The following UNC5C variants were observed in gnomAD, a reference collection of about 807,000 sequenced individuals.
UNC5C encodes netrin receptor UNC5C.
Under a neutral mutation model 99.8 loss-of-function variants are expected in UNC5C, and 47 were observed. The observed-to-expected ratio is 0.47, with a 90% CI of 0.37 to 0.60. UNC5C has a LOEUF of 0.60. Ranked by LOEUF, UNC5C falls within the 20% of genes least tolerant of loss-of-function variation. UNC5C has a pLI of 0.00. For synonymous variants in UNC5C, 487 were observed against 452.2 expected, an observed-to-expected ratio of 1.08 and a Z score of -0.98; for missense variants, 1,062 against 1,165.9, an observed-to-expected ratio of 0.91 and a Z score of 1.30.
intron 4 of UNC5C, among the ~76,000 whole-genome samples, chr4:95,263,203 T>C (rs944597626): frequency 2.6e-5 from 4 of 152,242 alleles, no homozygotes; most frequent in African/African-American, 7.2e-5. Flanking sequence ...CTGCATTCCA[T>C]TGGATAACTT....
intron 9 of UNC5C, among the ~76,000 whole-genome samples, chr4:95,216,872 G>A (rs1333733841): frequency 6.6e-6 from 1 of 151,148 alleles, no homozygotes; most frequent in African/African-American, 2.4e-5. Flanking sequence ...CACCTGGAAA[G>A]CTTGTTAAAC....
At chr4:95,317,295 A>G (rs1579319708) in intron 2 of UNC5C, among the ~76,000 whole-genome samples, 1 of 152,194 alleles carries the variant, frequency 6.6e-6, no homozygotes, top group South Asian at 2.1e-4. Flanking sequence ...GCTGTTTAGC[A>G]CTTGCTAGGA....
At chr4:95,448,238 G>GAGAGAGAGAGAGAGAGAC (rs1553973951) in intron 1 of UNC5C, among the ~76,000 whole-genome samples, 20 of 137,032 alleles carry the variant, frequency 1.5e-4, no homozygotes, top group African/African-American at 2.6e-4. Context: ...GAGAGAGAGA[G>GAGAGAGAGAGAGAGAGAC]AGAGAGAGAG....
At chr4:95,314,762 G>A (rs927252656) in intron 2 of UNC5C, among the ~76,000 whole-genome samples, 6 of 152,226 alleles carry the variant, frequency 3.9e-5, no homozygotes, top group African/African-American at 1.4e-4. Flanking sequence ...TGTGGTTTCA[G>A]TTTTATCTCT....
chr4:95,195,502 T>C (rs1460131755), intron 12 of UNC5C, among the ~76,000 whole-genome samples: 1 of 152,152 alleles, frequency 6.6e-6, no homozygotes, highest in Non-Finnish European at 1.5e-5. Context: ...AGAGTAGGTA[T>C]GGATACTAGG....
intron 1 of UNC5C, among the ~76,000 whole-genome samples, chr4:95,390,615 A>G (rs1396289940): frequency 1.3e-5 from 2 of 152,112 alleles, no homozygotes; most frequent in African/African-American, 4.8e-5. Context: ...GGTCTCTACA[A>G]ACTTTTAGTT....
intron 4 of UNC5C, among the ~76,000 whole-genome samples, chr4:95,270,062 A>G (rs903813616): frequency 6.6e-6 from 1 of 152,134 alleles, no homozygotes; most frequent in Admixed American, 6.5e-5. Context: ...ACTCTTCTGT[A>G]GACTTTCACA....
intron 1 of UNC5C, among the ~76,000 whole-genome samples, chr4:95,354,479 A>ATATATATATATATATATATATATATATAT: frequency 8.2e-5 from 9 of 110,344 alleles, no homozygotes; most frequent in African/African-American, 3.6e-4. Context: ...ATATATATAT[A>ATATATATATATATATATATATATATATAT]TTTTTTTTTT....
In UNC5C at chr4:95,167,427, GAGCT is replaced by G. The variant is rs1735901166; in HGVS notation, c.*1803_*1806del. On this transcript the variant is annotated 3_prime_UTR_variant, in exon 16 of 16. Coordinates refer to ENST00000453304, the MANE Select transcript of UNC5C (RefSeq NM_003728.4). ...ATTTTGCAGGACAAAAGTTTTTAAA[GAGCT>G]AACTAGACAGCTTTTATAAATGCTA... 6.6e-6 allele frequency: 1 copy of G among 152,160 alleles called. No homozygotes were observed. Among genetic ancestry groups the G allele is most frequent in the Non-Finnish European group, 1.5e-5 (1 of 68,026 alleles). The allele number at this position is 152,160 out of a possible 1,614,324, so 9.4% of individuals were successfully genotyped here.
chr4:95,343,622 G>C (rs180729490), intron 1 of UNC5C, among the ~76,000 whole-genome samples: 2 of 152,126 alleles, frequency 1.3e-5, no homozygotes, highest in South Asian at 2.1e-4. Context: ...GCTGGAGAGA[G>C]AGAGATATAT....
chr4:95,313,576 C>G (rs1742358690), intron 2 of UNC5C, among the ~76,000 whole-genome samples: 1 of 152,110 alleles, frequency 6.6e-6, no homozygotes, highest in Non-Finnish European at 1.5e-5. Flanking sequence ...AATTACTCAT[C>G]CTCATGGGCT....
intron 10 of UNC5C, among the ~76,000 whole-genome samples, chr4:95,215,237 C>A (rs1337870867): frequency 6.6e-6 from 1 of 152,188 alleles, no homozygotes; most frequent in Non-Finnish European, 1.5e-5. Flanking sequence ...GTCACTCATG[C>A]TTTATATTCA....
intron 1 of UNC5C, among the ~76,000 whole-genome samples, chr4:95,466,006 T>C (rs1182232157): frequency 1.3e-5 from 2 of 152,208 alleles, no homozygotes; most frequent in East Asian, 3.9e-4. Context: ...CTGGTCATTC[T>C]GATGAGCCTG....
At chr4:95,398,022 A>G (rs1745569216) in intron 1 of UNC5C, among the ~76,000 whole-genome samples, 1 of 145,556 alleles carries the variant, frequency 6.9e-6, no homozygotes, top group African/African-American at 2.6e-5. Context: ...ACAATTTCCC[A>G]ATGAGAAGTA....
chr4:95,364,839 C>T (rs946865738), intron 1 of UNC5C, among the ~76,000 whole-genome samples: 1 of 152,020 alleles, frequency 6.6e-6, no homozygotes, highest in African/African-American at 2.4e-5. Flanking sequence ...TATTTTTCTG[C>T]CCTACTAACT....
chr4:95,347,398 G>GA (rs901407343), intron 1 of UNC5C, among the ~76,000 whole-genome samples: 7 of 151,548 alleles, frequency 4.6e-5, no homozygotes, highest in African/African-American at 7.2e-5. Flanking sequence ...CACAGAAATA[G>GA]AAAAAAAATG....
intron 3 of UNC5C, among the ~76,000 whole-genome samples, chr4:95,288,251 T>G (rs1489731961): frequency 1.3e-5 from 2 of 151,696 alleles, no homozygotes; most frequent in African/African-American, 4.8e-5. Flanking sequence ...CCTGGCTAAT[T>G]TTTTTGTATT....
At chr4:95,282,241 G>A (rs1383274997) in intron 3 of UNC5C, among the ~76,000 whole-genome samples, 2 of 152,170 alleles carry the variant, frequency 1.3e-5, no homozygotes, top group Non-Finnish European at 2.9e-5. Flanking sequence ...GAGCAGCCAA[G>A]AGGAAAATAA....
chr4:95,379,542 T>C (rs898889306), intron 1 of UNC5C, among the ~76,000 whole-genome samples: 1 of 152,230 alleles, frequency 6.6e-6, no homozygotes, highest in Non-Finnish European at 1.5e-5. Context: ...CGGAGTATCC[T>C]GCTTTCTAAA....
Sources: gnomAD v4.1 joint callset for allele counts (sites outside exome capture counted in the v4.1 genomes callset) on GRCh38, gnomAD v4.1.1 for gene constraint, MANE v1.5 for transcripts, NCBI Gene and HGNC (gene_info 2026-07-23, HGNC 2026-07-21) for gene names.